SHISA9: variants seen among roughly 807,000 people sequenced by gnomAD.
SHISA9 encodes the protein shisa family member 9.
Under a neutral mutation model 38.0 loss-of-function variants are expected in SHISA9, and 13 were observed. That is an observed-to-expected ratio of 0.34 (90% CI 0.22 to 0.54). The LOEUF (loss-of-function observed/expected upper bound fraction) is 0.54. SHISA9 is among the 20% of genes least tolerant of loss of function. The pLI, the probability that SHISA9 is intolerant of heterozygous loss-of-function variation, is 0.91. For synonymous variants in SHISA9, 275 were observed against 242.0 expected, an observed-to-expected ratio of 1.14 and a Z score of -1.27; for missense variants, 538 against 575.8, an observed-to-expected ratio of 0.93 and a Z score of 0.67.
In SHISA9 at chr16:13,111,473, G is replaced by A. The variant is rs148166593; in HGVS notation, c.692-91921G>A. ...ATTGAATAATTTATTTAAGTCCTCT[G>A]TGCCTTGGTTTTCTCATCTGTAAAG... On this transcript the variant is annotated intron_variant, in intron 2 of 4. Coordinates refer to ENST00000558583, the MANE Select transcript of SHISA9 (RefSeq NM_001145204.3). 1.0e-3 allele frequency among the ~76,000 whole-genome samples: 154 copies of A among 152,060 alleles called. 2 individuals carry two copies. Among genetic ancestry groups the A allele is most frequent in the Non-Finnish European group, 1.7e-3 (119 of 68,004 alleles).
chr16:12,940,197 C>A (rs941063780), intron 2 of SHISA9, among the ~76,000 whole-genome samples: 1 of 152,144 alleles, frequency 6.6e-6, no homozygotes, highest in African/African-American at 2.4e-5. Flanking sequence ...GAGGCAGAGG[C>A]CAGAGCTTGG....
At chr16:13,194,483 T>C (rs966427360) in intron 2 of SHISA9, among the ~76,000 whole-genome samples, 57 of 152,242 alleles carry the variant, frequency 3.7e-4, no homozygotes, top group African/African-American at 1.4e-3. Flanking sequence ...AAAATGGAGT[T>C]GATAATAGTA....
At chr16:13,061,429 G>T (rs1469251416) in intron 2 of SHISA9, among the ~76,000 whole-genome samples, 3 of 152,140 alleles carry the variant, frequency 2.0e-5, no homozygotes, top group Non-Finnish European at 4.4e-5. Context: ...TCTGCAAGTC[G>T]CTTCGTCCGA....
chr16:13,006,333 G>A (rs189461955), intron 2 of SHISA9, among the ~76,000 whole-genome samples: 3,106 of 152,166 alleles, frequency 0.02, 102 homozygotes, highest in African/African-American at 0.07. Flanking sequence ...CATGGGCAGC[G>A]GGGAAAGAGT....
At chr16:13,099,131 C>A (rs920910002) in intron 2 of SHISA9, among the ~76,000 whole-genome samples, 3 of 152,256 alleles carry the variant, frequency 2.0e-5, no homozygotes, top group African/African-American at 7.2e-5. Flanking sequence ...TGCAACACAT[C>A]CATGTCAATT....
chr16:13,181,649 T>A (rs2050780537), intron 2 of SHISA9, among the ~76,000 whole-genome samples: 1 of 152,014 alleles, frequency 6.6e-6, no homozygotes, highest in Non-Finnish European at 1.5e-5. Flanking sequence ...TGTTAGAGAT[T>A]ACCCTGACTT....
chr16:13,406,821 C>T, the SHISA9 span, among the ~76,000 whole-genome samples: 1 of 152,132 alleles, frequency 6.6e-6, no homozygotes, highest in Non-Finnish European at 1.5e-5. Flanking sequence ...GTAATCCCAG[C>T]ACTTTGGGAG....
At chr16:13,085,990 A>T (rs2073706319) in intron 2 of SHISA9, among the ~76,000 whole-genome samples, 1 of 152,232 alleles carries the variant, frequency 6.6e-6, no homozygotes, top group South Asian at 2.1e-4. Context: ...CCATAATGAA[A>T]ACACAAGAGT....
chr16:13,051,774 T>A (rs1279379846), intron 2 of SHISA9, among the ~76,000 whole-genome samples: 2 of 152,002 alleles, frequency 1.3e-5, no homozygotes, highest in Non-Finnish European at 2.9e-5. Flanking sequence ...ATTTACATTT[T>A]TTTTTTTTTG....
chr16:12,929,883 C>A (rs2141740795), intron 2 of SHISA9, among the ~76,000 whole-genome samples: 1 of 152,304 alleles, frequency 6.6e-6, no homozygotes, highest in Admixed American at 6.5e-5. Flanking sequence ...CCTCTGCCTG[C>A]AACAAGCTTC....
chr16:13,432,928 A>G, the SHISA9 span, among the ~76,000 whole-genome samples: 1 of 152,070 alleles, frequency 6.6e-6, no homozygotes, highest in African/African-American at 2.4e-5. Flanking sequence ...GTGGAGGGTG[A>G]GAGGAGGGAG....
chr16:13,449,772 T>C, the SHISA9 span, among the ~76,000 whole-genome samples: 1 of 152,170 alleles, frequency 6.6e-6, no homozygotes. Context: ...TTCACCATTA[T>C]ATTGTAGACA....
intron 2 of SHISA9, among the ~76,000 whole-genome samples, chr16:13,079,225 T>C (rs1286157105): frequency 6.6e-6 from 1 of 152,222 alleles, no homozygotes; most frequent in African/African-American, 2.4e-5. Flanking sequence ...AGTCCACCTG[T>C]GTATCTTACA....
the SHISA9 span, among the ~76,000 whole-genome samples, chr16:13,402,220 T>C: frequency 6.6e-6 from 1 of 152,274 alleles, no homozygotes; most frequent in South Asian, 2.1e-4. Flanking sequence ...TGTCTGCAAG[T>C]TGGAGAACCA....
chr16:13,333,738 T>C, the SHISA9 span, among the ~76,000 whole-genome samples: 1 of 152,204 alleles, frequency 6.6e-6, no homozygotes, highest in Non-Finnish European at 1.5e-5. Flanking sequence ...ATCTGGAACG[T>C]AAACTACCCT....
chr16:13,005,892 G>T (rs1430553729), intron 2 of SHISA9, among the ~76,000 whole-genome samples: 1 of 152,182 alleles, frequency 6.6e-6, no homozygotes, highest in South Asian at 2.1e-4. Flanking sequence ...GCCACATGGC[G>T]GTTCTTGGGT....
intron 1 of SHISA9, among the ~76,000 whole-genome samples, chr16:12,907,828 A>G (rs1467694071): frequency 6.6e-6 from 1 of 152,190 alleles, no homozygotes; most frequent in Non-Finnish European, 1.5e-5. Context: ...ATTTTCACGC[A>G]GCAGCTATTG....
chr16:13,467,147 G>A, the SHISA9 span, among the ~76,000 whole-genome samples: 3 of 152,150 alleles, frequency 2.0e-5, no homozygotes, highest in African/African-American at 4.8e-5. Context: ...GTGAAGCATT[G>A]TTTCTGGGTG....
At chr16:13,479,929 A>G in the SHISA9 span, among the ~76,000 whole-genome samples, 1 of 152,254 alleles carries the variant, frequency 6.6e-6, no homozygotes, top group African/African-American at 2.4e-5. Flanking sequence ...TGTTAAGACA[A>G]GATGGCTTAG....
Sources: allele counts gnomAD v4.1 joint callset (sites outside exome capture counted in the v4.1 genomes callset), GRCh38; gene constraint gnomAD v4.1.1; transcripts MANE v1.5; gene names NCBI Gene and HGNC (gene_info 2026-07-23, HGNC 2026-07-21).